MYH16: variants seen among roughly 807,000 people sequenced by gnomAD.
MYH16 encodes putative uncharacterized protein MYH16.
exon 40 of MYH16, chr7:99,304,620 A>C (rs1792653656): frequency 6.5e-6 from 1 of 153,032 alleles, no homozygotes; most frequent in Admixed American, 6.5e-5. Context: ...CGGCAAGAGC[A>C]GGACCACTGC....
intron 1 of MYH16, among the ~76,000 whole-genome samples, chr7:99,242,156 C>T (rs868036611): frequency 2.6e-5 from 4 of 152,290 alleles, no homozygotes; most frequent in Middle Eastern, 3.4e-3. Flanking sequence ...CCACTGCACC[C>T]GGCCTAGTTT....
At chr7:99,299,318 C>T (rs1322807892) in intron 36 of MYH16, 148 bp from the exon 18 acceptor site, 1 of 152,066 alleles carries the variant, frequency 6.6e-6, no homozygotes, top group Non-Finnish European at 1.5e-5. Context: ...AACCCTCATC[C>T]CTGTCTTGCA....
intron 40 of MYH16, among the ~76,000 whole-genome samples, chr7:99,305,369 C>G (rs1008454318): frequency 6.6e-6 from 1 of 152,130 alleles, no homozygotes; most frequent in Non-Finnish European, 1.5e-5. Flanking sequence ...TTCTCCTTGC[C>G]TTTTTTTACT....
intron 1 of MYH16, among the ~76,000 whole-genome samples, chr7:99,240,701 G>T (rs1201476957): frequency 6.6e-6 from 1 of 152,042 alleles, no homozygotes; most frequent in Admixed American, 6.6e-5. Context: ...AAATTAGCCA[G>T]GTGTGGTGCA....
intron 38 of MYH16, among the ~76,000 whole-genome samples, chr7:99,302,317 T>TACACAC (rs201230482): frequency 0.023 from 2,191 of 95,524 alleles, 76 homozygotes; most frequent in Non-Finnish European, 0.026. Context: ...AAAAAATATA[T>TACACAC]ACACACACAC....
At chr7:99,292,602 C>A in intron 32 of MYH16, 94 bp downstream of exon 13, 1 of 409,608 alleles carries the variant, frequency 2.4e-6, no homozygotes, top group Non-Finnish European at 5.0e-6. Flanking sequence ...AGGCCAGGGC[C>A]AAGCCCAGGA....
At chr7:99,297,893 T>C (rs1381696189) in exon 36 of MYH16, 1 of 456,582 alleles carries the variant, frequency 2.2e-6, no homozygotes, top group Non-Finnish European at 4.4e-6. Context: ...TTCTGGTAGG[T>C]TGAAGAGAGC....
intron 21 of MYH16, among the ~76,000 whole-genome samples, chr7:99,278,522 T>C (rs1792150231): frequency 6.6e-6 from 1 of 152,242 alleles, no homozygotes; most frequent in South Asian, 2.1e-4. Context: ...GGGGTCCTTC[T>C]GGTTTGCAAA....
At chr7:99,256,694 G>A (rs1791876761) in intron 9 of MYH16, among the ~76,000 whole-genome samples, 1 of 152,208 alleles carries the variant, frequency 6.6e-6, no homozygotes, top group African/African-American at 2.4e-5. Context: ...AGAATCACTT[G>A]AACCCAAGAG....
intron 23 of MYH16, 56 bp downstream of exon 5, chr7:99,281,036 C>A: frequency 3.5e-6 from 1 of 283,530 alleles, no homozygotes; most frequent in Non-Finnish European, 7.2e-6. Context: ...GCACAATGTG[C>A]TTTCCATTGG....
chr7:99,253,749 C>T, exon 8 of MYH16: 1 of 183,480 alleles, frequency 5.5e-6, no homozygotes, highest in East Asian at 1.3e-4. Context: ...AATCTCGTGT[C>T]ATCTCACAGC....
intron 8 of MYH16, chr7:99,254,243 T>A (rs1791847236): frequency 6.6e-6 from 1 of 152,036 alleles, no homozygotes; most frequent in African/African-American, 2.4e-5. Context: ...AACAAGACTC[T>A]GTCTGAAGAA....
rs564458158 is a variant in MYH16 at position 99,254,454 on chromosome 7, GC to G, written n.892+631del. Among the ~76,000 whole-genome samples, 110 of 152,310 alleles carry G rather than the reference GC, an allele frequency of 7.2e-4. 1 individual carries two copies. Among genetic ancestry groups the G allele is most frequent in the African/African-American group, 2.6e-3 (106 of 41,566 alleles). On this transcript the variant is annotated intron_variant and non_coding_transcript_variant, in intron 8 of 41. Coordinates refer to ENST00000439784, the Ensembl canonical transcript of MYH16. ...AAACCCTTTATGTCTGCCACCTGCT[GC>G]CTCTGAGTCTGATACTCGGGCACCA...
chr7:99,265,843 T>G (rs369705196), intron 17 of MYH16, among the ~76,000 whole-genome samples: 1 of 152,154 alleles, frequency 6.6e-6, no homozygotes, highest in East Asian at 1.9e-4. Context: ...TCAGAAGAGA[T>G]TGGGCATGTT....
At chr7:99,308,295 A>T (rs1214141329), downstream of MYH16, among the ~76,000 whole-genome samples, 2 of 2,358 alleles carry the variant, frequency 8.5e-4, no homozygotes, top group East Asian at 0.042. Flanking sequence ...GCTCTGTCTA[A>T]AAAAAAAAAA....
intron 30 of MYH16, among the ~76,000 whole-genome samples, chr7:99,290,486 CA>C (rs57166125): frequency 0.035 from 1,946 of 55,556 alleles, 21 homozygotes; most frequent in Admixed American, 0.072. Context: ...GACCCTGTCT[CA>C]AAAAAAAAAA....
chr7:99,248,627 C>T (rs982942955), intron 3 of MYH16, among the ~76,000 whole-genome samples: 2 of 152,340 alleles, frequency 1.3e-5, no homozygotes, highest in Middle Eastern at 3.4e-3. Context: ...AACTCCTGGG[C>T]TCCAGCCTCA....
At chr7:99,255,404 T>C (rs1791859083) in intron 8 of MYH16, among the ~76,000 whole-genome samples, 1 of 144,876 alleles carries the variant, frequency 6.9e-6, no homozygotes, top group Non-Finnish European at 1.5e-5. Flanking sequence ...GCTATGATTG[T>C]GCCACCGTAC....
At chr7:99,291,635 C>CCCCCCCCA (rs1792380967) in intron 31 of MYH16, among the ~76,000 whole-genome samples, 185 bp downstream of exon 12, 1 of 134,548 alleles carries the variant, frequency 7.4e-6, no homozygotes, top group Non-Finnish European at 1.6e-5. Flanking sequence ...CCACCCCCCC[C>CCCCCCCCA]ACCCCCAACG....
Sources: gnomAD v4.1 joint callset for allele counts (sites outside exome capture counted in the v4.1 genomes callset) on GRCh38, gnomAD v4.1.1 for gene constraint, MANE v1.5 for transcripts, NCBI Gene and HGNC (gene_info 2026-07-23, HGNC 2026-07-21) for gene names.